Variants in TBC1D14 observed in about 807,000 individuals in gnomAD.
TBC1D14 encodes the protein TBC1 domain family member 14.
TBC1D14 carries 26 observed loss-of-function variants against 79.0 expected under a neutral mutation model. The observed-to-expected ratio is 0.33, with a 90% CI of 0.24 to 0.46. TBC1D14 has a LOEUF of 0.46. TBC1D14 is among the 20% of genes least tolerant of loss of function. The pLI, the probability that TBC1D14 is intolerant of heterozygous loss-of-function variation, is 1.00. For synonymous variants in TBC1D14, 394 were observed against 349.9 expected, an observed-to-expected ratio of 1.13 and a Z score of -1.40; for missense variants, 769 against 887.6, an observed-to-expected ratio of 0.87 and a Z score of 1.70.
intron 2 of TBC1D14, among the ~76,000 whole-genome samples, chr4:6,958,813 C>G (rs923159013): frequency 2.0e-5 from 3 of 152,118 alleles, no homozygotes; most frequent in Admixed American, 1.3e-4. Flanking sequence ...AAGCCGGACA[C>G]TCCTCTTGGT....
intron 1 of TBC1D14, among the ~76,000 whole-genome samples, chr4:6,922,426 G>A (rs1266922084): frequency 6.6e-6 from 1 of 152,046 alleles, no homozygotes; most frequent in African/African-American, 2.4e-5. Context: ...TTGGGGTCCC[G>A]TAGATCCCAG....
chr4:6,933,040 C>G (rs1026910530), intron 2 of TBC1D14, among the ~76,000 whole-genome samples: 5 of 152,028 alleles, frequency 3.3e-5, no homozygotes, highest in Non-Finnish European at 7.4e-5. Flanking sequence ...CATCATTTCC[C>G]TGATTGCTGT....
chr4:6,991,336 G>T (rs1718464300), intron 3 of TBC1D14, among the ~76,000 whole-genome samples: 1 of 152,216 alleles, frequency 6.6e-6, no homozygotes, highest in African/African-American at 2.4e-5. Flanking sequence ...TCTGTGATGA[G>T]GAGTGTGGCT....
chr4:6,966,920 C>T (rs1715746965), intron 2 of TBC1D14, among the ~76,000 whole-genome samples: 1 of 152,204 alleles, frequency 6.6e-6, no homozygotes, highest in African/African-American at 2.4e-5. Context: ...TGTCATTCTC[C>T]TGCCTCAGCC....
intron 3 of TBC1D14, among the ~76,000 whole-genome samples, chr4:6,982,492 C>T (rs925173149): frequency 2.6e-5 from 4 of 152,162 alleles, no homozygotes; most frequent in African/African-American, 7.2e-5. Flanking sequence ...AGTGATCCAA[C>T]TGTTTTATAT....
intron 11 of TBC1D14, 146 bp from the exon 12 acceptor site, chr4:7,014,302 A>C (rs2109268600): frequency 1.7e-6 from 1 of 587,834 alleles, no homozygotes; most frequent in African/African-American, 1.9e-5. Context: ...TTTGAATAGT[A>C]CCTACAATAA....
intron 2 of TBC1D14, among the ~76,000 whole-genome samples, chr4:6,942,095 G>A (rs1291874802): frequency 1.3e-5 from 2 of 152,224 alleles, no homozygotes; most frequent in Admixed American, 6.5e-5. Flanking sequence ...GATAGAATCT[G>A]TTCTGCTTTT....
chr4:7,001,891 C>T (rs1719712452), intron 7 of TBC1D14, among the ~76,000 whole-genome samples: 1 of 152,190 alleles, frequency 6.6e-6, no homozygotes, highest in African/African-American at 2.4e-5. Context: ...TTAATACTGG[C>T]AGCCATTCTT....
intron 4 of TBC1D14, among the ~76,000 whole-genome samples, chr4:6,994,975 G>A (rs983148286): frequency 1.3e-5 from 2 of 152,116 alleles, no homozygotes; most frequent in African/African-American, 4.8e-5. Flanking sequence ...ATCAGGAAAA[G>A]ACTCTGGCCT....
chr4:6,954,368 T>C (rs1189062885), intron 2 of TBC1D14: 2 of 717,514 alleles, frequency 2.8e-6, no homozygotes, highest in East Asian at 5.4e-5. Context: ...CCTTTCTTGC[T>C]GTTGGAACTG....
intron 2 of TBC1D14, among the ~76,000 whole-genome samples, chr4:6,924,831 T>G (rs1439836501): frequency 6.6e-6 from 1 of 152,120 alleles, no homozygotes; most frequent in Non-Finnish European, 1.5e-5. Context: ...TCTAGGCTGG[T>G]CATGTGGGGT....
chr4:7,001,889 G>C (rs1719712228), intron 7 of TBC1D14, among the ~76,000 whole-genome samples: 1 of 152,136 alleles, frequency 6.6e-6, no homozygotes, highest in Non-Finnish European at 1.5e-5. Context: ...GATTAATACT[G>C]GCAGCCATTC....
chr4:6,940,416 C>T (rs911595234), intron 2 of TBC1D14, among the ~76,000 whole-genome samples: 6 of 152,188 alleles, frequency 3.9e-5, no homozygotes, highest in Admixed American at 2.6e-4. Context: ...GAGAGGTCTA[C>T]AGAAAGAACC....
intron 12 of TBC1D14, among the ~76,000 whole-genome samples, chr4:7,016,254 G>A (rs995220577): frequency 5.9e-5 from 9 of 152,244 alleles, no homozygotes; most frequent in Admixed American, 1.3e-4. Context: ...ACATGGGGCC[G>A]TGAGTGGCGC....
At chr4:6,995,335 T>A (rs1331526730) in intron 4 of TBC1D14, 1 of 152,210 alleles carries the variant, frequency 6.6e-6, no homozygotes, top group Non-Finnish European at 1.5e-5. Context: ...ATGTAACAAA[T>A]GCTGTTAGGG....
At chr4:6,922,651 G>C (rs143789571) in intron 1 of TBC1D14, among the ~76,000 whole-genome samples, 1 of 152,252 alleles carries the variant, frequency 6.6e-6, no homozygotes, top group East Asian at 1.9e-4. Context: ...GGATTTTAAT[G>C]CTGTCTCAGA....
At chr4:6,958,223 C>T (rs1271129188) in intron 2 of TBC1D14, among the ~76,000 whole-genome samples, 1 of 152,040 alleles carries the variant, frequency 6.6e-6, no homozygotes, top group Non-Finnish European at 1.5e-5. Flanking sequence ...ACAGTTAGAG[C>T]CGGAGTCTGC....
At chr4:6,973,526 G>C (rs1392562648) in intron 3 of TBC1D14, among the ~76,000 whole-genome samples, 1 of 152,180 alleles carries the variant, frequency 6.6e-6, no homozygotes, top group Non-Finnish European at 1.5e-5. Context: ...AATGAATGCA[G>C]ATATAAAACC....
intron 2 of TBC1D14, among the ~76,000 whole-genome samples, chr4:6,951,893 T>A (rs539802300): frequency 6.6e-6 from 1 of 152,220 alleles, no homozygotes; most frequent in South Asian, 2.1e-4. Context: ...AAATTGTGAC[T>A]GTTGAGTGTT....
Sources: gnomAD v4.1 joint callset for allele counts (sites outside exome capture counted in the v4.1 genomes callset) on GRCh38, gnomAD v4.1.1 for gene constraint, MANE v1.5 for transcripts, NCBI Gene and HGNC (gene_info 2026-07-23, HGNC 2026-07-21) for gene names.